Variants in SEMA3A observed in about 807,000 individuals in gnomAD.
The protein encoded by SEMA3A is semaphorin 3A, also known as semaphorin-3A.
In SEMA3A, 29 loss-of-function variants were observed where a neutral mutation model predicts 97.9. The ratio of observed to expected loss-of-function variants is 0.30; its 90% CI spans 0.22 to 0.40. SEMA3A has a LOEUF of 0.40. SEMA3A is among the 10% of genes least tolerant of loss of function. The pLI, the probability that SEMA3A is intolerant of heterozygous loss-of-function variation, is 1.00. For missense variants in SEMA3A, 763 were observed against 951.3 expected, an observed-to-expected ratio of 0.80 and a Z score of 2.60; for synonymous variants, 321 against 323.7, an observed-to-expected ratio of 0.99 and a Z score of 0.09.
chr7:84,305,971 T>C (rs1402239777), intron 3 of SEMA3A, among the ~76,000 whole-genome samples: 4 of 151,686 alleles, frequency 2.6e-5, no homozygotes, highest in African/African-American at 7.3e-5. Flanking sequence ...TGTATATATG[T>C]ATGTATAAAT....
intron 2 of SEMA3A, among the ~76,000 whole-genome samples, chr7:84,354,814 T>C (rs1802518196): frequency 1.3e-5 from 2 of 151,790 alleles, no homozygotes; most frequent in Admixed American, 6.6e-5. Flanking sequence ...AATAGTTGTA[T>C]AATTGGTGTT....
chr7:84,119,619 G>A (rs191197011), intron 3 of SEMA3A, among the ~76,000 whole-genome samples: 86 of 152,164 alleles, frequency 5.7e-4, no homozygotes, highest in Middle Eastern at 3.4e-3. Context: ...GACATAACAC[G>A]TCTGAGTAAA....
intron 1 of SEMA3A, among the ~76,000 whole-genome samples, chr7:84,189,991 A>G (rs540048524): frequency 6.6e-6 from 1 of 151,796 alleles, no homozygotes; most frequent in East Asian, 1.9e-4. Context: ...ACATGAAGAG[A>G]AAAAAACCCT....
At chr7:84,325,086 A>T (rs972546305) in intron 2 of SEMA3A, among the ~76,000 whole-genome samples, 1 of 152,074 alleles carries the variant, frequency 6.6e-6, no homozygotes. Flanking sequence ...TAATAGACCT[A>T]CAGACCTGTC....
intron 1 of SEMA3A, among the ~76,000 whole-genome samples, chr7:84,421,653 T>C (rs1037877850): frequency 6.6e-6 from 1 of 152,106 alleles, no homozygotes; most frequent in East Asian, 1.9e-4. Flanking sequence ...GGCTGCTGGT[T>C]TGTCATAAAT....
chr7:84,091,416 A>T (rs539129573), intron 4 of SEMA3A, among the ~76,000 whole-genome samples: 1 of 152,056 alleles, frequency 6.6e-6, no homozygotes, highest in Non-Finnish European at 1.5e-5. Context: ...ATATTCTTTT[A>T]CACAAAATAT....
intron 2 of SEMA3A, among the ~76,000 whole-genome samples, chr7:84,340,722 G>A (rs1802144283): frequency 6.7e-6 from 1 of 149,840 alleles, no homozygotes; most frequent in South Asian, 2.1e-4. Flanking sequence ...AGAGGTGGGA[G>A]TGAGCCGAGA....
intron 3 of SEMA3A, among the ~76,000 whole-genome samples, chr7:84,258,723 C>T (rs1799773827): frequency 6.6e-6 from 1 of 152,116 alleles, no homozygotes; most frequent in African/African-American, 2.4e-5. Flanking sequence ...TTAATCAGTG[C>T]TGCTTTACTG....
chr7:84,189,204 T>G (rs1051516206), intron 1 of SEMA3A, among the ~76,000 whole-genome samples: 2 of 151,902 alleles, frequency 1.3e-5, no homozygotes, highest in Non-Finnish European at 2.9e-5. Flanking sequence ...TTCAATACTG[T>G]CATGAGTTTT....
At chr7:83,988,921 G>A (rs1408017958) in intron 12 of SEMA3A, among the ~76,000 whole-genome samples, 1 of 147,170 alleles carries the variant, frequency 6.8e-6, no homozygotes, top group Admixed American at 6.8e-5. Context: ...GCAGTGGTGC[G>A]ATCTCGGCTC....
At chr7:83,985,765 G>A (rs1789609411) in intron 12 of SEMA3A, among the ~76,000 whole-genome samples, 1 of 152,200 alleles carries the variant, frequency 6.6e-6, no homozygotes, top group South Asian at 2.1e-4. Flanking sequence ...TGCACAGTGA[G>A]CACAGTGAGA....
intron 3 of SEMA3A, among the ~76,000 whole-genome samples, chr7:84,204,532 G>A (rs942203052): frequency 1.3e-5 from 2 of 152,112 alleles, no homozygotes; most frequent in Non-Finnish European, 2.9e-5. Flanking sequence ...AGAAAAATTA[G>A]TGACTCCGAA....
chr7:84,344,887 C>T (rs1372498127), intron 2 of SEMA3A, among the ~76,000 whole-genome samples: 5 of 152,008 alleles, frequency 3.3e-5, no homozygotes, highest in Non-Finnish European at 7.4e-5. Context: ...GTTAGGGAAA[C>T]AATAAGGCAA....
At chr7:84,326,418 T>C (rs1801776964) in intron 2 of SEMA3A, among the ~76,000 whole-genome samples, 1 of 152,144 alleles carries the variant, frequency 6.6e-6, no homozygotes, top group Non-Finnish European at 1.5e-5. Flanking sequence ...TTTGGGTTTT[T>C]GGATATATAA....
intron 1 of SEMA3A, among the ~76,000 whole-genome samples, chr7:84,423,378 A>T (rs1220773408): frequency 6.6e-6 from 1 of 152,032 alleles, no homozygotes; most frequent in Non-Finnish European, 1.5e-5. Context: ...AATACTGGGC[A>T]TATTTCTGCC....
rs1789392573 is a variant in SEMA3A at position 83,981,007 on chromosome 7, T to G, written c.1652+314A>C. Among the ~76,000 whole-genome samples the G allele has an allele frequency of 3.3e-5, 5 of 152,132 alleles. No homozygotes were observed. The South Asian group carries it at 1.0e-3, about 31-fold the overall frequency. On this transcript the variant is annotated intron_variant, in intron 14 of 16. Transcript: ENST00000265362. ...CATCCAGAGACATAAATTGCCTTAT[T>G]AAAGTTTAAAAATGAGACAGAATGT...
intron 12 of SEMA3A, among the ~76,000 whole-genome samples, chr7:84,001,064 TAC>T (rs1264365889): frequency 4.1e-4 from 38 of 92,062 alleles, no homozygotes; most frequent in Admixed American, 1.0e-3. Context: ...CTTCTTCTAA[TAC>T]GTGTTTTTTT....
intron 1 of SEMA3A, among the ~76,000 whole-genome samples, chr7:84,490,993 T>C: frequency 6.6e-6 from 1 of 152,126 alleles, no homozygotes; most frequent in East Asian, 1.9e-4. Context: ...ACTGTGAAAC[T>C]CCGTTTACTC....
chr7:84,379,423 A>G (rs1803197791), intron 1 of SEMA3A, among the ~76,000 whole-genome samples: 1 of 152,208 alleles, frequency 6.6e-6, no homozygotes, highest in African/African-American at 2.4e-5. Context: ...AAAAGTATTG[A>G]CATCAAGGAT....
Sources: gnomAD v4.1 joint callset for allele counts (sites outside exome capture counted in the v4.1 genomes callset) on GRCh38, gnomAD v4.1.1 for gene constraint, MANE v1.5 for transcripts, NCBI Gene and HGNC (gene_info 2026-07-23, HGNC 2026-07-21) for gene names.